The following SLC39A14 variants were observed in gnomAD, a reference collection of about 807,000 sequenced individuals.
The protein encoded by SLC39A14 is solute carrier family 39 member 14.
In SLC39A14, 19 loss-of-function variants were observed where a neutral mutation model predicts 45.5. The ratio of observed to expected loss-of-function variants is 0.42; its 90% confidence interval spans 0.29 to 0.61. The LOEUF is 0.61. Ranked by LOEUF, SLC39A14 falls within the 20% of genes least tolerant of loss-of-function variation. The probability of loss-of-function intolerance (pLI) is 0.22; values close to 1 mark genes in which losing one functional copy is unlikely to be tolerated. For missense variants in SLC39A14, 447 were observed against 616.5 expected (o/e 0.73, Z 2.91); for synonymous variants, 264 against 251.3 (o/e 1.05, Z -0.48).
At position 22,412,823 on chromosome 8, in the gene SLC39A14, A is replaced by T. The variant is rs1230731938; in HGVS notation, c.627+617A>T. ...GCCAGACGTGGTAGCGCACGCCTGTAATCCCAGCTATTCGGGAGGCACAAG... is the reference window on the plus strand; with the variant it reads ...GCCAGACGTGGTAGCGCACGCCTGTTATCCCAGCTATTCGGGAGGCACAAG... On this transcript the variant is annotated intron_variant, in intron 4 of 8. Coordinates refer to ENST00000381237, the MANE Select transcript of SLC39A14 (RefSeq NM_001128431.4). 3.3e-5 allele frequency among the ~76,000 whole-genome samples: 5 copies of T among 152,166 alleles called. No homozygotes were observed. The South Asian group carries it at 8.3e-4, about 25-fold the overall frequency.
chr8:22,371,578 G>A (rs1305306638), intron 1 of SLC39A14, among the ~76,000 whole-genome samples: 16 of 150,308 alleles, frequency 1.1e-4, no homozygotes, highest in Non-Finnish European at 2.2e-4. Flanking sequence ...GATCACAGGT[G>A]CCTGCCATCA....
intron 3 of SLC39A14, among the ~76,000 whole-genome samples, chr8:22,409,353 G>A (rs7825938): frequency 0.4 from 60,570 of 151,592 alleles, 12,804 homozygotes; most frequent in East Asian, 0.61. Context: ...TTCTGCTGTC[G>A]TTATTTACTT....
downstream of SLC39A14, among the ~76,000 whole-genome samples, chr8:22,423,614 C>A (rs370024450): frequency 6.6e-6 from 1 of 152,080 alleles, no homozygotes; most frequent in East Asian, 1.9e-4. Flanking sequence ...GGATTACAGG[C>A]GTGAGCCACT....
intron 1 of SLC39A14, among the ~76,000 whole-genome samples, chr8:22,394,949 G>T (rs1586685950): frequency 6.6e-6 from 1 of 152,020 alleles, no homozygotes; most frequent in Non-Finnish European, 1.5e-5. Context: ...CGGGAAAGAA[G>T]AAGGCAGTTT....
At chr8:22,391,982 T>C (rs1834102763) in intron 1 of SLC39A14, among the ~76,000 whole-genome samples, 1 of 152,220 alleles carries the variant, frequency 6.6e-6, no homozygotes, top group African/African-American at 2.4e-5. Context: ...TCCCAGGCAC[T>C]GTGTTGCAGG....
chr8:22,389,569 C>T (rs1239128232), intron 1 of SLC39A14, among the ~76,000 whole-genome samples: 1 of 152,028 alleles, frequency 6.6e-6, no homozygotes, highest in Admixed American at 6.6e-5. Flanking sequence ...AAGCATGCCT[C>T]GCTACTGCTG....
rs142231726 is a variant in SLC39A14, at chr8:22,370,160, GTGTGCACATC to G, written c.-16+2762_-16+2771del. Among the ~76,000 whole-genome samples, 91 of 152,214 alleles carry G rather than the reference GTGTGCACATC, an allele frequency of 6.0e-4. 2 individuals are homozygous for G. The East Asian group carries it at 0.017, about 29-fold the overall frequency. ...GTGGTGGGTGTGTGCTTGTGTGTGT[GTGTGCACATC>G]TGTGCACATGTGCGTGTGCGTGTGT... On this transcript the variant is annotated intron_variant, in intron 1 of 8. Coordinates refer to ENST00000381237, the MANE Select transcript of SLC39A14 (RefSeq NM_001128431.4).
downstream of SLC39A14, among the ~76,000 whole-genome samples, chr8:22,425,956 A>C (rs1437055939): frequency 2.1e-5 from 3 of 144,290 alleles, no homozygotes; most frequent in African/African-American, 7.5e-5. Context: ...CAATGGTGCG[A>C]TCTCGGCTCA....
At chr8:22,428,880 G>A (rs955998547) in intron 8 of SLC39A14, among the ~76,000 whole-genome samples, 1 of 152,162 alleles carries the variant, frequency 6.6e-6, no homozygotes, top group African/African-American at 2.4e-5. Context: ...GAGAATCCTT[G>A]GAAAAGTGTT....
intron 2 of SLC39A14, among the ~76,000 whole-genome samples, chr8:22,407,346 A>C (rs1473521330): frequency 6.6e-6 from 1 of 152,138 alleles, no homozygotes; most frequent in East Asian, 1.9e-4. Flanking sequence ...GCACACACAC[A>C]GAATGGTGTT....
At chr8:22,372,337 A>G (rs1490352907) in intron 1 of SLC39A14, among the ~76,000 whole-genome samples, 1 of 152,198 alleles carries the variant, frequency 6.6e-6, no homozygotes, top group African/African-American at 2.4e-5. Flanking sequence ...AGCATTTTAA[A>G]CATCATTCAG....
chr8:22,415,111 G>A (rs1234853662), intron 5 of SLC39A14: 6 of 564,898 alleles, frequency 1.1e-5, no homozygotes, highest in African/African-American at 9.7e-5. Flanking sequence ...TCTGGCCAGG[G>A]TGCCTTCTAC....
At chr8:22,429,392 T>TAGG (rs1405496061) in intron 8 of SLC39A14, among the ~76,000 whole-genome samples, 3 of 152,244 alleles carry the variant, frequency 2.0e-5, no homozygotes, top group Non-Finnish European at 4.4e-5. Flanking sequence ...CACCTCAATA[T>TAGG]TTTTATGAAG....
rs982340695 is a variant in SLC39A14 at position 22,420,027 on chromosome 8, G to A, written c.*329G>A. On this transcript the variant is annotated 3_prime_UTR_variant, in exon 9 of 9. Transcript: ENST00000381237. ...CTCCTCTTGGAACCAGTGCTGAAAG[G>A]TTTTGAATCCTTTACCCAACAATGC... 4.8e-6 allele frequency: 5 copies of A among 1,042,576 alleles called. No individual in the cohort carries two copies. Among genetic ancestry groups the A allele is most frequent in the Non-Finnish European group, 5.8e-6 (5 of 866,706 alleles). The allele number at this position is 1,042,576 out of a possible 1,614,324, so 64.6% of individuals were successfully genotyped here.
chr8:22,369,026 G>T (rs573327123), intron 1 of SLC39A14, among the ~76,000 whole-genome samples: 2 of 152,270 alleles, frequency 1.3e-5, no homozygotes, highest in East Asian at 3.9e-4. Context: ...TAACTTAGCA[G>T]CTGGAATTAA....
chr8:22,380,331 A>T (rs138112862), intron 1 of SLC39A14, among the ~76,000 whole-genome samples: 201 of 152,304 alleles, frequency 1.3e-3, no homozygotes, highest in Non-Finnish European at 1.9e-3. Flanking sequence ...AACTGAGGTC[A>T]GAGAGCTTAA....
chr8:22,369,280 G>A lies in SLC39A14; in HGVS notation c.-16+1872G>A, dbSNP rs548973805. On this transcript the variant is annotated intron_variant, in intron 1 of 8. Transcript: ENST00000381237. ...CTGGCCTCTGGGGCCTTGAGGGAGGGCAGTGCTGAGCGGGAGATTCGATCC... is the reference window on the plus strand; with the variant it reads ...CTGGCCTCTGGGGCCTTGAGGGAGGACAGTGCTGAGCGGGAGATTCGATCC... Among the ~76,000 whole-genome samples, 3 of 152,336 alleles carry A rather than the reference G, an allele frequency of 2.0e-5. No individual in the cohort carries two copies. The South Asian group carries it at 6.2e-4, about 32-fold the overall frequency.
chr8:22,388,347 G>A (rs1339735204), intron 1 of SLC39A14, among the ~76,000 whole-genome samples: 1 of 152,158 alleles, frequency 6.6e-6, no homozygotes, highest in Non-Finnish European at 1.5e-5. Context: ...GGACTTCCTA[G>A]TCCTGTGGCG....
intron 1 of SLC39A14, among the ~76,000 whole-genome samples, chr8:22,381,522 G>A (rs1157910199): frequency 2.0e-5 from 3 of 152,154 alleles, no homozygotes; most frequent in East Asian, 3.8e-4. Flanking sequence ...CGCCCGCCTC[G>A]GCCTCCCAAA....
Sources: allele counts gnomAD v4.1 joint callset (sites outside exome capture counted in the v4.1 genomes callset), GRCh38; gene constraint gnomAD v4.1.1; transcripts MANE v1.5; gene names NCBI Gene and HGNC (gene_info 2026-07-23, HGNC 2026-07-21).